CADM2: variants seen among roughly 807,000 people sequenced by gnomAD.
The protein encoded by CADM2 is cell adhesion molecule 2, also known as immunoglobulin superfamily member 4D.
In CADM2, 12 loss-of-function variants were observed where a neutral mutation model predicts 49.8. The ratio of observed to expected loss-of-function variants is 0.24; its 90% CI spans 0.15 to 0.39. The LOEUF is 0.39. Ranked by LOEUF, CADM2 falls within the 10% of genes least tolerant of loss-of-function variation. The probability of loss-of-function intolerance (pLI) is 1.00; values close to 1 mark genes in which losing one functional copy is unlikely to be tolerated. For synonymous variants in CADM2, 214 were observed against 175.4 expected (o/e 1.22, Z -1.74); for missense variants, 378 against 492.3 (o/e 0.77, Z 2.20).
intron 1 of CADM2, among the ~76,000 whole-genome samples, chr3:85,133,897 G>T (rs1048346745): frequency 6.6e-6 from 1 of 152,212 alleles, no homozygotes; most frequent in South Asian, 2.1e-4. Context: ...GGGACTGGGC[G>T]CCGTGGAGCA....
At chr3:85,223,017 C>T (rs186628520) in intron 1 of CADM2, among the ~76,000 whole-genome samples, 1 of 152,190 alleles carries the variant, frequency 6.6e-6, no homozygotes, top group Admixed American at 6.5e-5. Flanking sequence ...TCATTATGCC[C>T]TATTCTAGAT....
chr3:85,101,273 A>G (rs1485635167), intron 1 of CADM2, among the ~76,000 whole-genome samples: 2 of 152,042 alleles, frequency 1.3e-5, no homozygotes, highest in East Asian at 3.9e-4. Flanking sequence ...CAAACAAACA[A>G]AAAACAAATC....
chr3:85,973,756 C>T (rs1726445313), intron 8 of CADM2, among the ~76,000 whole-genome samples: 1 of 151,736 alleles, frequency 6.6e-6, no homozygotes, highest in Non-Finnish European at 1.5e-5. Flanking sequence ...TAGTGGGACA[C>T]ACATAACTGT....
At chr3:85,111,680 A>G (rs1395287922) in intron 1 of CADM2, among the ~76,000 whole-genome samples, 2 of 151,830 alleles carry the variant, frequency 1.3e-5, no homozygotes, top group Non-Finnish European at 2.9e-5. Context: ...AAGACCTACT[A>G]TTTGATAGCA....
At chr3:85,548,792 G>A (rs2061730761) in intron 1 of CADM2, among the ~76,000 whole-genome samples, 2 of 152,108 alleles carry the variant, frequency 1.3e-5, no homozygotes, top group African/African-American at 4.8e-5. Context: ...TGTATTAGAA[G>A]TCTTTGGCTG....
chr3:85,875,191 A>G (rs1456464638), intron 3 of CADM2, among the ~76,000 whole-genome samples: 1 of 152,184 alleles, frequency 6.6e-6, no homozygotes, highest in Non-Finnish European at 1.5e-5. Flanking sequence ...AGAACAAAAC[A>G]GAAAAGGATT....
intron 1 of CADM2, among the ~76,000 whole-genome samples, chr3:85,163,153 C>T (rs1254097063): frequency 6.6e-6 from 1 of 151,916 alleles, no homozygotes; most frequent in Non-Finnish European, 1.5e-5. Flanking sequence ...ATTAATGTGA[C>T]CCTATCATTA....
At chr3:85,775,384 G>A (rs2070310602) in intron 2 of CADM2, among the ~76,000 whole-genome samples, 2 of 151,584 alleles carry the variant, frequency 1.3e-5, no homozygotes, top group South Asian at 4.1e-4. Context: ...ATCATCAGTT[G>A]TATTAATGCA....
chr3:85,845,155 C>CAAAAAA (rs71112121), intron 3 of CADM2, among the ~76,000 whole-genome samples: 4 of 88,066 alleles, frequency 4.5e-5, no homozygotes, highest in Admixed American at 1.2e-4. Context: ...GACTTAGTCA[C>CAAAAAA]AAAAAAAAAA....
intron 1 of CADM2, among the ~76,000 whole-genome samples, chr3:85,219,725 A>G (rs1158197094): frequency 6.6e-6 from 1 of 152,170 alleles, no homozygotes; most frequent in Non-Finnish European, 1.5e-5. Flanking sequence ...ATGATACCAA[A>G]ACAACTACTG....
intron 1 of CADM2, among the ~76,000 whole-genome samples, chr3:85,449,079 T>TAATAATAATAATAATAATAATAAA (rs1338554155): frequency 4.7e-5 from 7 of 147,854 alleles, no homozygotes; most frequent in Admixed American, 1.4e-4. Context: ...ATAATAATGA[T>TAATAATAATAATAATAATAATAAA]AAAAATTATA....
chr3:85,495,292 A>AT (rs2039841989), intron 1 of CADM2, among the ~76,000 whole-genome samples: 1 of 152,126 alleles, frequency 6.6e-6, no homozygotes, highest in Admixed American at 6.5e-5. Context: ...GATGATCTGC[A>AT]TTTTTGTAAG....
At chr3:85,745,496 G>A (rs535878258) in intron 2 of CADM2, among the ~76,000 whole-genome samples, 2 of 152,124 alleles carry the variant, frequency 1.3e-5, no homozygotes, top group South Asian at 4.1e-4. Flanking sequence ...ACAGGCAAAA[G>A]AGAGATTAAC....
chr3:85,884,208 C>T (rs1220700560), intron 4 of CADM2, among the ~76,000 whole-genome samples: 3 of 152,296 alleles, frequency 2.0e-5, no homozygotes, highest in South Asian at 2.1e-4. Flanking sequence ...AACACACCTG[C>T]GTGCTGAACA....
At chr3:85,013,953 A>T (rs907510725) in intron 1 of CADM2, among the ~76,000 whole-genome samples, 1 of 146,094 alleles carries the variant, frequency 6.8e-6, no homozygotes, top group Non-Finnish European at 1.5e-5. Context: ...ATTGTATATT[A>T]TATATACGCA....
chr3:85,464,499 G>A (rs934782289), intron 1 of CADM2, among the ~76,000 whole-genome samples: 1 of 152,096 alleles, frequency 6.6e-6, no homozygotes, highest in African/African-American at 2.4e-5. Context: ...GCACATCAAA[G>A]TTGACATTTC....
At chr3:85,681,287 T>G (rs2066033253) in intron 1 of CADM2, among the ~76,000 whole-genome samples, 1 of 152,096 alleles carries the variant, frequency 6.6e-6, no homozygotes, top group Admixed American at 6.6e-5. Context: ...GGTGTGAGAT[T>G]TACAGTTCAT....
chr3:85,188,586 T>C (rs879025689), intron 1 of CADM2, among the ~76,000 whole-genome samples: 4 of 152,166 alleles, frequency 2.6e-5, no homozygotes, highest in African/African-American at 4.8e-5. Context: ...TTGTTTTTTT[T>C]CATATTTATA....
In CADM2 at chr3:85,277,240, C is replaced by A. The variant is rs895448266; in HGVS notation, c.61+317572C>A. Among the ~76,000 whole-genome samples the A allele has an allele frequency of 2.6e-5, 4 of 151,252 alleles. No individual in the cohort carries two copies. In the Admixed American group the frequency reaches 2.6e-4, roughly 10 times the overall value. ...GTCATAGTAGAAGAGCTCTAAGAAT[C>A]CCTGTTATACAATGAGAAAAATGAT... On this transcript the variant is annotated intron_variant, in intron 1 of 9. Transcript: ENST00000383699.
Sources: gnomAD v4.1 joint callset for allele counts (sites outside exome capture counted in the v4.1 genomes callset) on GRCh38, gnomAD v4.1.1 for gene constraint, MANE v1.5 for transcripts, NCBI Gene and HGNC (gene_info 2026-07-23, HGNC 2026-07-21) for gene names.